NEIL2: variants seen among roughly 807,000 people sequenced by gnomAD.
NEIL2 encodes the protein nei like DNA glycosylase 2, also known as endonuclease 8-like 2.
In NEIL2, 23 loss-of-function variants were observed where a neutral mutation model predicts 22.2. That is an observed-to-expected ratio of 1.04 (90% CI 0.75 to 1.47). The LOEUF (loss-of-function observed/expected upper bound fraction) is 1.47. Among genes scored for constraint, NEIL2 ranks in the 40% most tolerant of loss-of-function variants. The probability of loss-of-function intolerance (pLI) is 0.00; values close to 1 mark genes in which losing one functional copy is unlikely to be tolerated. For synonymous variants in NEIL2, 229 were observed against 164.8 expected, an observed-to-expected ratio of 1.39 and a Z score of -2.99; for missense variants, 583 against 404.7, an observed-to-expected ratio of 1.44 and a Z score of -3.78.
In NEIL2 at chr8:11,779,789, G is replaced by T; in HGVS notation, c.330G>T (p.Gln110His). ...CACGGTCTGCAGAGCTCGTCCCCCA[G>T]GGCGAGGATGATTCTGAGTATTTGG... ...GSSRSAELVP[Q>H]GEDDSEYLER... Residue 110 changes from glutamine to histidine, a missense_variant, in exon 3 of 5, where the codon CAG becomes CAT. Coordinates refer to ENST00000284503, the MANE Select transcript of NEIL2 (RefSeq NM_145043.4). 2 of 1,614,226 alleles carry T rather than the reference G, an allele frequency of 1.2e-6. No individual in the cohort carries two copies. Among genetic ancestry groups the T allele is most frequent in the Non-Finnish European group, 1.7e-6 (2 of 1,180,036 alleles).
At chr8:11,779,185 AG>A (rs1412815079) in intron 2 of NEIL2, among the ~76,000 whole-genome samples, 1 of 152,166 alleles carries the variant, frequency 6.6e-6, no homozygotes, top group African/African-American at 2.4e-5. Flanking sequence ...CCAGTTTCAC[AG>A]GGTGTTGTCT....
Position 11,779,930 on chromosome 8 carries a change from C to G in NEIL2, c.471C>G (p.Asp157Glu). The G allele has an allele frequency of 3.7e-6, 6 of 1,614,048 alleles. No individual in the cohort carries two copies. The highest frequency in any genetic ancestry group is 5.1e-6 in the Non-Finnish European group (6 of 1,179,934). The change falls in exon 3 of 5, where the codon GAC becomes GAG. Residue 157 changes from aspartate to glutamate, a missense_variant. Asp to Glu is a conservative substitution (Grantham distance 45). Transcript: ENST00000284503. ...CCAAGAAAGCCAACAAGAGGGGGGA[C>G]TGGAGGGACCCTTCCCCGAGGTAAT... ...SRAKKANKRG[D>E]WRDPSPRLVL...
chr8:11,775,357 T>G (rs751211017), intron 2 of NEIL2, among the ~76,000 whole-genome samples: 1 of 152,200 alleles, frequency 6.6e-6, no homozygotes, highest in Non-Finnish European at 1.5e-5. Context: ...TTTTTAGCCA[T>G]GGCTGGAGGG....
intron 2 of NEIL2, among the ~76,000 whole-genome samples, chr8:11,775,109 T>C (rs1220380031): frequency 6.6e-6 from 1 of 152,272 alleles, no homozygotes; most frequent in Non-Finnish European, 1.5e-5. Flanking sequence ...CTTGGGGCTC[T>C]AACCCCGTCT....
At chr8:11,782,341 C>T (rs1804498758) in intron 3 of NEIL2, among the ~76,000 whole-genome samples, 1 of 152,102 alleles carries the variant, frequency 6.6e-6, no homozygotes, top group East Asian at 1.9e-4. Flanking sequence ...AGGAGAATCG[C>T]TTGAACCTGG....
intron 3 of NEIL2, among the ~76,000 whole-genome samples, chr8:11,782,182 C>T (rs544975804): frequency 3.9e-5 from 6 of 151,996 alleles, no homozygotes; most frequent in South Asian, 2.1e-4. Flanking sequence ...CAGCACTTTA[C>T]GAGGCCGAGG....
intron 3 of NEIL2, chr8:11,782,853 T>G: frequency 2.8e-6 from 1 of 352,214 alleles, no homozygotes; most frequent in Non-Finnish European, 5.4e-6. Context: ...GATGTGGGGA[T>G]GTGTGTATGT....
chr8:11,785,640 G>A (rs1245380387), intron 4 of NEIL2, among the ~76,000 whole-genome samples: 1 of 152,220 alleles, frequency 6.6e-6, no homozygotes, highest in Non-Finnish European at 1.5e-5. Flanking sequence ...AGCTAATTGA[G>A]GCTGAGGAGC....
At chr8:11,775,227 G>A (rs1363987968) in intron 2 of NEIL2, among the ~76,000 whole-genome samples, 1 of 152,244 alleles carries the variant, frequency 6.6e-6, no homozygotes, top group Non-Finnish European at 1.5e-5. Flanking sequence ...AAATCTAGGT[G>A]GAGGTTTCCA....
chr8:11,770,705 G>T (rs2130418108), intron 1 of NEIL2, among the ~76,000 whole-genome samples: 1 of 152,300 alleles, frequency 6.6e-6, no homozygotes, highest in East Asian at 1.9e-4. Flanking sequence ...TGCCCGAACA[G>T]CCCGGGTGTA....
chr8:11,779,175 C>T (rs1448599423), intron 2 of NEIL2, among the ~76,000 whole-genome samples: 1 of 151,998 alleles, frequency 6.6e-6, no homozygotes, highest in South Asian at 2.1e-4. Flanking sequence ...CGAGGGGTAC[C>T]CAGTTTCACA....
Position 11,786,309 on chromosome 8 carries a change from T to A in NEIL2, c.*36T>A, listed in dbSNP as rs1438888556. The A allele has an allele frequency of 1.3e-6, 2 of 1,588,466 alleles. No individual in the cohort carries two copies. Among genetic ancestry groups the A allele is most frequent in the Non-Finnish European group, 1.7e-6 (2 of 1,166,282 alleles). On this transcript the variant is annotated 3_prime_UTR_variant, in exon 5 of 5. Coordinates refer to ENST00000284503, the MANE Select transcript of NEIL2 (RefSeq NM_145043.4). ...GTGCTCCTCACGGAACCTTGCCGCT[T>A]GGGGAACCTGACGTCTAAGTGTCCA...
At chr8:11,776,945 C>T (rs1388976333) in intron 2 of NEIL2, among the ~76,000 whole-genome samples, 1 of 152,174 alleles carries the variant, frequency 6.6e-6, no homozygotes, top group East Asian at 1.9e-4. Flanking sequence ...GTAGTGCTAA[C>T]AGCGCACGCC....
At chr8:11,773,152 A>C (rs1803618173) in intron 2 of NEIL2, among the ~76,000 whole-genome samples, 1 of 152,074 alleles carries the variant, frequency 6.6e-6, no homozygotes, top group African/African-American at 2.4e-5. Flanking sequence ...GCAGGGGCAG[A>C]ATTGTCTCTT....
At chr8:11,785,940 T>TA in intron 4 of NEIL2, 23 bp from the exon 5 acceptor site, 3 of 1,611,292 alleles carry the variant, frequency 1.9e-6, no homozygotes, top group Non-Finnish European at 2.5e-6. Context: ...GTCCTTCCCT[T>TA]ACCTTCCCCC....
chr8:11,778,526 T>C (rs1474029085), intron 2 of NEIL2, among the ~76,000 whole-genome samples: 1 of 152,152 alleles, frequency 6.6e-6, no homozygotes, highest in African/African-American at 2.4e-5. Flanking sequence ...CACAGGCATT[T>C]CCAGTATTAA....
chr8:11,779,976 GTGGGCTCTGATAGTCA>G, intron 3 of NEIL2, 26 bp downstream of exon 3: 1 of 1,596,928 alleles, frequency 6.3e-7, no homozygotes, highest in East Asian at 2.2e-5. Context: ...TCTGATTTTC[GTGGGCTCTGATAGTCA>G]TAGGGCCCTG....
At chr8:11,778,435 A>G (rs192195394) in intron 2 of NEIL2, among the ~76,000 whole-genome samples, 78 of 152,198 alleles carry the variant, frequency 5.1e-4, no homozygotes, top group African/African-American at 1.8e-3. Flanking sequence ...TTCAAGATTA[A>G]TTTGTGTACT....
chr8:11,771,429 C>T lies in NEIL2; in HGVS notation c.-2-17C>T, dbSNP rs1803423928. On this transcript the variant is annotated splice_polypyrimidine_tract_variant and intron_variant, in intron 1 of 4. Transcript: ENST00000284503. ...TGAGCTAAGTCGGTGGCCTCTTTTG[C>T]CCATTTCTGCCCACAGGGATGCCAG... 5.6e-6 allele frequency: 9 copies of T among 1,613,004 alleles called. No individual in the cohort carries two copies. Among genetic ancestry groups the T allele is most frequent in the Non-Finnish European group, 7.6e-6 (9 of 1,179,944 alleles).
Sources: gnomAD v4.1 joint callset for allele counts (sites outside exome capture counted in the v4.1 genomes callset) on GRCh38, gnomAD v4.1.1 for gene constraint, MANE v1.5 for transcripts, NCBI Gene and HGNC (gene_info 2026-07-23, HGNC 2026-07-21) for gene names.